Variants in PARD3B observed in about 807,000 individuals in gnomAD.
PARD3B encodes the protein partitioning defective 3 homolog B.
A neutral mutation model predicts 130.2 loss-of-function variants in PARD3B; 103 were observed. That is an observed-to-expected ratio of 0.79 (90% CI 0.67 to 0.93). PARD3B has a LOEUF of 0.93. Ranked by LOEUF, PARD3B falls within the 40% of genes least tolerant of loss-of-function variation. The pLI, the probability that PARD3B is intolerant of heterozygous loss-of-function variation, is 0.00. For synonymous variants in PARD3B, 583 were observed against 553.2 expected (o/e 1.05, Z -0.76); for missense variants, 1,609 against 1,499.2 (o/e 1.07, Z -1.21).
At chr2:205,547,487 A>C (rs1436690798) in intron 21 of PARD3B, among the ~76,000 whole-genome samples, 2 of 152,178 alleles carry the variant, frequency 1.3e-5, no homozygotes, top group Non-Finnish European at 2.9e-5. Flanking sequence ...TGTTAAAGAA[A>C]AAACTTCTTG....
chr2:204,572,228 T>G (rs2032042692), intron 1 of PARD3B, among the ~76,000 whole-genome samples: 1 of 152,156 alleles, frequency 6.6e-6, no homozygotes, highest in African/African-American at 2.4e-5. Context: ...GAAAGCTTTC[T>G]AAGATATGGG....
At chr2:204,792,902 T>C (rs1248312471) in intron 2 of PARD3B, among the ~76,000 whole-genome samples, 5 of 128,458 alleles carry the variant, frequency 3.9e-5, no homozygotes, top group Non-Finnish European at 8.3e-5. Flanking sequence ...GCTTTACCTA[T>C]TTTTTTTTTT....
intron 2 of PARD3B, among the ~76,000 whole-genome samples, chr2:204,790,416 A>G (rs1329649952): frequency 6.6e-6 from 1 of 152,240 alleles, no homozygotes; most frequent in Non-Finnish European, 1.5e-5. Flanking sequence ...TAAACCAGCA[A>G]AATCTTTGAA....
At chr2:205,449,634 G>C (rs1463006921) in intron 20 of PARD3B, among the ~76,000 whole-genome samples, 1 of 152,126 alleles carries the variant, frequency 6.6e-6, no homozygotes. Context: ...CAGGCACTTA[G>C]AGGCACTTAG....
chr2:205,382,570 CT>C (rs1466258814), intron 18 of PARD3B, among the ~76,000 whole-genome samples: 1 of 152,028 alleles, frequency 6.6e-6, no homozygotes, highest in Non-Finnish European at 1.5e-5. Context: ...TCACCCACAA[CT>C]TTTACCATCC....
chr2:205,599,312 G>A (rs2054692829), intron 22 of PARD3B, among the ~76,000 whole-genome samples: 1 of 152,094 alleles, frequency 6.6e-6, no homozygotes, highest in Non-Finnish European at 1.5e-5. Flanking sequence ...TTACCAATTA[G>A]GTTATCAGTA....
intron 2 of PARD3B, among the ~76,000 whole-genome samples, chr2:204,941,495 G>GT (rs1461004479): frequency 6.6e-6 from 1 of 152,208 alleles, no homozygotes; most frequent in Admixed American, 6.5e-5. Context: ...ATTTTGTTTT[G>GT]TTTTCTCCTC....
At chr2:204,722,854 G>A (rs567395212) in intron 2 of PARD3B, among the ~76,000 whole-genome samples, 1 of 152,234 alleles carries the variant, frequency 6.6e-6, no homozygotes, top group South Asian at 2.1e-4. Flanking sequence ...AGGCTATGCT[G>A]TCTGGCTCTC....
chr2:205,061,530 G>C (rs1473120168), intron 4 of PARD3B, among the ~76,000 whole-genome samples: 1 of 152,078 alleles, frequency 6.6e-6, no homozygotes, highest in African/African-American at 2.4e-5. Flanking sequence ...TAGAACACAT[G>C]GTAAGCACTA....
At chr2:205,023,182 T>C (rs1696752097) in intron 3 of PARD3B, among the ~76,000 whole-genome samples, 1 of 152,160 alleles carries the variant, frequency 6.6e-6, no homozygotes, top group Non-Finnish European at 1.5e-5. Context: ...CATTACCACA[T>C]TTGTGATCGC....
chr2:204,632,133 T>G (rs942478552), intron 1 of PARD3B, among the ~76,000 whole-genome samples: 39 of 152,070 alleles, frequency 2.6e-4, no homozygotes, highest in Non-Finnish European at 5.6e-4. Flanking sequence ...CTCGCAATCA[T>G]GAGATGTCAT....
At chr2:205,520,305 CATGGGAG>C (rs911948678) in intron 21 of PARD3B, among the ~76,000 whole-genome samples, 1 of 152,190 alleles carries the variant, frequency 6.6e-6, no homozygotes, top group African/African-American at 2.4e-5. Context: ...ATGTGGGAAA[CATGGGAG>C]ATGGACTGTC....
intron 2 of PARD3B, among the ~76,000 whole-genome samples, chr2:204,698,362 C>G (rs2037717356): frequency 6.6e-6 from 1 of 152,070 alleles, no homozygotes; most frequent in Non-Finnish European, 1.5e-5. Flanking sequence ...TCCTTTCTTT[C>G]AGAAGTTTTT....
intron 1 of PARD3B, among the ~76,000 whole-genome samples, chr2:204,672,997 G>A (rs928509837): frequency 2.0e-5 from 3 of 152,210 alleles, no homozygotes; most frequent in East Asian, 1.9e-4. Context: ...ATGTATGCCC[G>A]TGTATGTGAA....
intron 2 of PARD3B, among the ~76,000 whole-genome samples, chr2:204,734,066 T>C (rs1285366457): frequency 1.3e-5 from 2 of 152,142 alleles, no homozygotes; most frequent in Non-Finnish European, 2.9e-5. Context: ...AGATAACTCT[T>C]ATAATTTAAT....
chr2:205,041,486 C>T (rs1226122682), intron 3 of PARD3B, among the ~76,000 whole-genome samples: 1 of 152,076 alleles, frequency 6.6e-6, no homozygotes, highest in Non-Finnish European at 1.5e-5. Context: ...TGTCCTCCTC[C>T]AGGTTCTCTC....
chr2:205,594,786 A>T (rs1386056279), intron 22 of PARD3B, among the ~76,000 whole-genome samples: 1 of 152,134 alleles, frequency 6.6e-6, no homozygotes, highest in Non-Finnish European at 1.5e-5. Flanking sequence ...CTGTTAGAGG[A>T]TTTCCTACCC....
chr2:205,357,171 C>T (rs1462553459), intron 18 of PARD3B, among the ~76,000 whole-genome samples: 2 of 152,130 alleles, frequency 1.3e-5, no homozygotes, highest in Admixed American at 6.5e-5. Context: ...AAATATTAAG[C>T]ACAGTGTGTT....
rs1311431181 is a variant in PARD3B, at chr2:204,553,689, TATATATACAC to T, written c.120+7572_120+7581del. Among the ~76,000 whole-genome samples, 82 of 113,284 alleles carry T rather than the reference TATATATACAC, an allele frequency of 7.2e-4. 1 individual carries two copies. The highest frequency in any genetic ancestry group is 3.5e-3 in the African/African-American group (78 of 22,288). 74.3% of individuals were successfully genotyped at this position (113,284 alleles called of 152,430 possible). A position where few individuals can be genotyped will look rare whatever the true frequency, so the allele number is the denominator to read the frequency against. ...ATATATATATATATATATATATATATATATATACACACATATATATAAAGGAATACACCTC... is the reference window on the plus strand; with the variant it reads ...ATATATATATATATATATATATATATACATATATATAAAGGAATACACCTC... On this transcript the variant is annotated intron_variant, in intron 1 of 22. Transcript: ENST00000406610.
Sources: allele counts gnomAD v4.1 joint callset (sites outside exome capture counted in the v4.1 genomes callset), GRCh38; gene constraint gnomAD v4.1.1; transcripts MANE v1.5; gene names NCBI Gene and HGNC (gene_info 2026-07-23, HGNC 2026-07-21).